The following MYO3B variants were observed in gnomAD, a reference collection of about 807,000 sequenced individuals.
MYO3B encodes myosin-IIIb.
In MYO3B, 156 loss-of-function variants were observed where a neutral mutation model predicts 174.6. The observed-to-expected ratio is 0.89, with a 90% CI of 0.78 to 1.02. The LOEUF (loss-of-function observed/expected upper bound fraction) is 1.02. Among genes scored for constraint, MYO3B ranks in the 50% least tolerant of loss-of-function variants. The pLI is 0.00. For synonymous variants in MYO3B, 563 were observed against 569.1 expected (o/e 0.99, Z 0.15); for missense variants, 1,632 against 1,639.4 (o/e 1.00, Z 0.08).
chr2:170,510,902 G>A (rs76180044), intron 28 of MYO3B, among the ~76,000 whole-genome samples: 10,199 of 151,996 alleles, frequency 0.067, 902 homozygotes, highest in African/African-American at 0.2. Context: ...TGCGTGTTGC[G>A]TTTTTTAGTA....
chr2:170,298,256 G>C (rs2093640730), intron 7 of MYO3B, among the ~76,000 whole-genome samples: 1 of 152,146 alleles, frequency 6.6e-6, no homozygotes, highest in Non-Finnish European at 1.5e-5. Context: ...AGAGTTTGAG[G>C]AGAGAGCCCT....
chr2:170,234,986 C>T (rs1023257629), intron 6 of MYO3B, among the ~76,000 whole-genome samples: 3 of 152,234 alleles, frequency 2.0e-5, no homozygotes, highest in African/African-American at 7.2e-5. Flanking sequence ...AGATCTGTCA[C>T]TCCTCTGCTC....
chr2:170,364,843 T>C (rs765342836), intron 8 of MYO3B, among the ~76,000 whole-genome samples: 1 of 152,164 alleles, frequency 6.6e-6, no homozygotes, highest in East Asian at 1.9e-4. Context: ...AATTATACCT[T>C]AGTTAAAGTT....
chr2:170,212,938 G>A (rs1319607745), intron 3 of MYO3B, among the ~76,000 whole-genome samples: 1 of 152,228 alleles, frequency 6.6e-6, no homozygotes, highest in Non-Finnish European at 1.5e-5. Context: ...CTGCCTAGGC[G>A]TTTGGCTATC....
chr2:170,652,873 G>T, intron 34 of MYO3B, 110 bp from the exon 35 acceptor site: 1 of 1,239,146 alleles, frequency 8.1e-7, no homozygotes, highest in Non-Finnish European at 1.1e-6. Flanking sequence ...CCCCTCCAGT[G>T]TTGGAGCCCA....
intron 32 of MYO3B, among the ~76,000 whole-genome samples, chr2:170,599,237 A>G (rs775791790): frequency 1.8e-4 from 28 of 152,174 alleles, no homozygotes; most frequent in Non-Finnish European, 3.8e-4. Flanking sequence ...AGCATAGAAT[A>G]CTGTTCGTAC....
intron 7 of MYO3B, among the ~76,000 whole-genome samples, chr2:170,298,678 CA>C (rs71399527): frequency 0.011 from 721 of 63,346 alleles, 5 homozygotes; most frequent in African/African-American, 0.033. Context: ...GACTCTGTCT[CA>C]AAAAAAAAAA....
chr2:170,373,636 G>A (rs1455432863), intron 9 of MYO3B, among the ~76,000 whole-genome samples: 2 of 151,986 alleles, frequency 1.3e-5, no homozygotes, highest in Non-Finnish European at 2.9e-5. Context: ...TATATAGAGA[G>A]GGAGACAACG....
intron 32 of MYO3B, among the ~76,000 whole-genome samples, chr2:170,650,672 C>CTTTT (rs766676996): frequency 7.8e-5 from 6 of 76,974 alleles, no homozygotes; most frequent in Admixed American, 1.7e-4. Context: ...TGAATTATGA[C>CTTTT]TTTTTTTTTT....
intron 32 of MYO3B, among the ~76,000 whole-genome samples, chr2:170,547,647 T>G (rs1012005518): frequency 6.6e-6 from 1 of 152,248 alleles, no homozygotes; most frequent in Non-Finnish European, 1.5e-5. Context: ...TTTGGTTGGT[T>G]GTTTTCCATT....
chr2:170,387,176 G>C lies in MYO3B; in HGVS notation c.1445G>C (p.Cys482Ser). ...CTGGTGGAAGCCTTTGGGAACTCAT[G>C]CACTGCCATCAATGACAACTCGAGC... ...NSLVEAFGNS[C>S]TAINDNSSRF... Residue 482 changes from cysteine to serine, a missense_variant, in exon 14 of 35, where the codon TGC (cysteine) becomes TCC (serine). Coordinates refer to ENST00000408978, the MANE Select transcript of MYO3B (RefSeq NM_138995.5). 3.1e-6 allele frequency: 5 copies of C among 1,614,140 alleles called. No individual in the cohort carries two copies. The highest frequency in any genetic ancestry group is 4.2e-6 in the Non-Finnish European group (5 of 1,179,998).
intron 32 of MYO3B, among the ~76,000 whole-genome samples, chr2:170,548,225 G>A (rs1690667267): frequency 6.6e-6 from 1 of 151,180 alleles, no homozygotes; most frequent in South Asian, 2.1e-4. Context: ...AGAAGACCAT[G>A]ATAAAGGCCT....
intron 7 of MYO3B, among the ~76,000 whole-genome samples, chr2:170,328,773 G>A (rs1009333527): frequency 5.9e-5 from 8 of 136,752 alleles, no homozygotes; most frequent in African/African-American, 1.8e-4. Context: ...TGAACTTTAA[G>A]CTGTATTACT....
intron 25 of MYO3B, among the ~76,000 whole-genome samples, chr2:170,468,476 T>C (rs1378989845): frequency 6.6e-6 from 1 of 152,210 alleles, no homozygotes; most frequent in South Asian, 2.1e-4. Context: ...GGGGAAAGAC[T>C]TCCCCAGTTC....
intron 32 of MYO3B, among the ~76,000 whole-genome samples, chr2:170,627,085 T>TG (rs1696509400): frequency 6.6e-6 from 1 of 152,078 alleles, no homozygotes; most frequent in Non-Finnish European, 1.5e-5. Flanking sequence ...TTTCCTGAAT[T>TG]TGAATGTTGG....
At chr2:170,524,741 T>C in intron 30 of MYO3B, 1 of 306,432 alleles carries the variant, frequency 3.3e-6, no homozygotes, top group Non-Finnish European at 6.4e-6. Context: ...CCCCTCAGGC[T>C]CCCAAAGTGC....
At chr2:170,246,256 G>A (rs2093187796) in intron 7 of MYO3B, among the ~76,000 whole-genome samples, 1 of 152,122 alleles carries the variant, frequency 6.6e-6, no homozygotes, top group South Asian at 2.1e-4. Context: ...TGAGAAATGA[G>A]AGATGATATC....
intron 7 of MYO3B, among the ~76,000 whole-genome samples, chr2:170,323,144 G>A (rs2093841238): frequency 6.6e-6 from 1 of 152,132 alleles, no homozygotes; most frequent in South Asian, 2.1e-4. Context: ...TGCCTTAGAG[G>A]ACAAATGGTG....
At chr2:170,594,490 C>A (rs1194706553) in intron 32 of MYO3B, among the ~76,000 whole-genome samples, 3 of 152,158 alleles carry the variant, frequency 2.0e-5, no homozygotes, top group Non-Finnish European at 4.4e-5. Context: ...GTTGGGTAAA[C>A]ACATTTGCAG....
Sources: allele counts gnomAD v4.1 joint callset (sites outside exome capture counted in the v4.1 genomes callset), GRCh38; gene constraint gnomAD v4.1.1; transcripts MANE v1.5; gene names NCBI Gene and HGNC (gene_info 2026-07-23, HGNC 2026-07-21).